Variants in PLXDC2 observed in about 807,000 individuals in gnomAD.
The protein encoded by PLXDC2 is plexin domain-containing protein 2.
Under a neutral mutation model 68.9 loss-of-function variants are expected in PLXDC2, and 40 were observed. The ratio of observed to expected loss-of-function variants is 0.58; its 90% CI spans 0.45 to 0.76. PLXDC2 has a LOEUF of 0.76. PLXDC2 is among the 30% of genes least tolerant of loss of function. PLXDC2 has a pLI of 0.00. For synonymous variants in PLXDC2, 243 were observed against 234.2 expected, an observed-to-expected ratio of 1.04 and a Z score of -0.34; for missense variants, 644 against 661.9, an observed-to-expected ratio of 0.97 and a Z score of 0.30.
chr10:20,101,029 C>T (rs908354152), intron 4 of PLXDC2, among the ~76,000 whole-genome samples: 25 of 151,944 alleles, frequency 1.6e-4, no homozygotes, highest in Middle Eastern at 3.2e-3. Flanking sequence ...ATTTATTGGC[C>T]GACAGTTATG....
intron 7 of PLXDC2, among the ~76,000 whole-genome samples, chr10:20,173,832 G>A (rs1834482293): frequency 6.6e-6 from 1 of 152,140 alleles, no homozygotes; most frequent in Non-Finnish European, 1.5e-5. Flanking sequence ...TTCTGACAGA[G>A]GTATCTCTGA....
chr10:19,839,563 A>G (rs1836865641), intron 1 of PLXDC2, among the ~76,000 whole-genome samples: 1 of 151,830 alleles, frequency 6.6e-6, no homozygotes, highest in South Asian at 2.1e-4. Context: ...TACTTGGGAA[A>G]TTGCTTCACC....
intron 3 of PLXDC2, among the ~76,000 whole-genome samples, chr10:20,057,945 T>C (rs1270444098): frequency 1.3e-5 from 2 of 151,620 alleles, no homozygotes; most frequent in East Asian, 3.9e-4. Flanking sequence ...TGTGGGGGGC[T>C]CTTTGTGTTA....
intron 1 of PLXDC2, among the ~76,000 whole-genome samples, chr10:19,847,773 G>C (rs778820414): frequency 3.3e-5 from 5 of 152,250 alleles, no homozygotes; most frequent in African/African-American, 1.2e-4. Context: ...TTATGTTCTT[G>C]TAACACCACT....
chr10:20,025,531 G>T (rs1308804856), intron 2 of PLXDC2, among the ~76,000 whole-genome samples: 1 of 152,046 alleles, frequency 6.6e-6, no homozygotes, highest in South Asian at 2.1e-4. Context: ...CAAAGTGCTG[G>T]GATTACAGGT....
intron 4 of PLXDC2, among the ~76,000 whole-genome samples, chr10:20,094,398 A>C (rs79590740): frequency 0.012 from 1,901 of 152,176 alleles, 28 homozygotes; most frequent in African/African-American, 0.04. Context: ...ACTAATACAC[A>C]ACCTCATATG....
At chr10:19,918,052 T>C (rs1414901619) in intron 1 of PLXDC2, among the ~76,000 whole-genome samples, 1 of 152,228 alleles carries the variant, frequency 6.6e-6, no homozygotes, top group Non-Finnish European at 1.5e-5. Flanking sequence ...TCAGCAGTTT[T>C]GGACTGAGAT....
intron 1 of PLXDC2, among the ~76,000 whole-genome samples, chr10:19,859,512 C>A (rs1206082404): frequency 2.0e-5 from 3 of 151,876 alleles, no homozygotes; most frequent in African/African-American, 7.3e-5. Context: ...ATGTAATATG[C>A]AAATAATATG....
At chr10:19,949,990 A>C (rs1283472221) in intron 1 of PLXDC2, among the ~76,000 whole-genome samples, 1 of 152,216 alleles carries the variant, frequency 6.6e-6, no homozygotes, top group Non-Finnish European at 1.5e-5. Flanking sequence ...TTCCCTTAAT[A>C]AAGTAGACAG....
rs537464412 is a variant in PLXDC2, at chr10:19,970,466, C to T, written c.113-31309C>T. ...TTCCTGTGTATAACTGTCATGTGAACTTAAGCCTTCTATATATGATGAAAG... is the reference window on the plus strand; with the variant it reads ...TTCCTGTGTATAACTGTCATGTGAATTTAAGCCTTCTATATATGATGAAAG... On this transcript the variant is annotated intron_variant, in intron 1 of 13. Transcript: ENST00000377252. 1.2e-4 allele frequency among the ~76,000 whole-genome samples: 19 copies of T among 152,296 alleles called. No individual in the cohort carries two copies. The South Asian group carries it at 3.9e-3, about 32-fold the overall frequency.
chr10:19,834,515 T>C (rs1836754444), intron 1 of PLXDC2, among the ~76,000 whole-genome samples: 1 of 152,216 alleles, frequency 6.6e-6, no homozygotes. Context: ...GTATACCACC[T>C]ATGCCACCAT....
chr10:20,043,131 A>C (rs1388330083), intron 2 of PLXDC2, among the ~76,000 whole-genome samples: 1 of 152,156 alleles, frequency 6.6e-6, no homozygotes, highest in African/African-American at 2.4e-5. Flanking sequence ...TTTTTGAGAA[A>C]TCTATTTTAT....
At chr10:19,851,295 A>G (rs1382159243) in intron 1 of PLXDC2, among the ~76,000 whole-genome samples, 1 of 152,150 alleles carries the variant, frequency 6.6e-6, no homozygotes, top group Admixed American at 6.6e-5. Flanking sequence ...TTTGACCTGA[A>G]TTGTAGCATT....
At chr10:20,135,479 G>C (rs925254966) in intron 4 of PLXDC2, among the ~76,000 whole-genome samples, 4 of 152,204 alleles carry the variant, frequency 2.6e-5, no homozygotes, top group Non-Finnish European at 2.9e-5. Flanking sequence ...TGAGGAACAA[G>C]ATGGAGGAAA....
chr10:19,869,569 A>G (rs1220318550), intron 1 of PLXDC2, among the ~76,000 whole-genome samples: 1 of 151,860 alleles, frequency 6.6e-6, no homozygotes, highest in African/African-American at 2.4e-5. Context: ...TAATAACTAT[A>G]TCATAGGAAT....
intron 1 of PLXDC2, among the ~76,000 whole-genome samples, chr10:19,882,011 T>C (rs925077696): frequency 1.2e-4 from 18 of 152,248 alleles, no homozygotes; most frequent in African/African-American, 4.3e-4. Flanking sequence ...TTTTGACTGC[T>C]GGTTCCAGCT....
chr10:19,977,688 T>C (rs1053205809), intron 1 of PLXDC2, among the ~76,000 whole-genome samples: 1 of 152,168 alleles, frequency 6.6e-6, no homozygotes, highest in African/African-American at 2.4e-5. Flanking sequence ...GTGAGGACTC[T>C]TTCCGGGGTT....
intron 13 of PLXDC2, among the ~76,000 whole-genome samples, chr10:20,254,756 T>G (rs541656405): frequency 6.6e-6 from 1 of 152,162 alleles, no homozygotes; most frequent in Admixed American, 6.5e-5. Flanking sequence ...GAAAAATAGG[T>G]GAAATTGGGT....
intron 13 of PLXDC2, among the ~76,000 whole-genome samples, chr10:20,250,114 A>C (rs1588543151): frequency 6.6e-6 from 1 of 151,926 alleles, no homozygotes; most frequent in East Asian, 1.9e-4. Context: ...CTAAAAATAC[A>C]AAAATTAGCC....
Sources: allele counts gnomAD v4.1 joint callset (sites outside exome capture counted in the v4.1 genomes callset), GRCh38; gene constraint gnomAD v4.1.1; transcripts MANE v1.5; gene names NCBI Gene and HGNC (gene_info 2026-07-23, HGNC 2026-07-21).